RPA3: variants seen among roughly 807,000 people sequenced by gnomAD.
The protein encoded by RPA3 is replication protein A3, also known as replication protein A 14 kDa subunit.
Under a neutral mutation model 13.7 loss-of-function variants are expected in RPA3, and 24 were observed. The ratio of observed to expected loss-of-function variants is 1.75; its 90% CI spans 1.27 to 2.46. RPA3 has a LOEUF of 2.46. Among genes scored for constraint, RPA3 ranks in the 30% most tolerant of loss-of-function variants. The pLI, the probability that RPA3 is intolerant of heterozygous loss-of-function variation, is 0.00. For synonymous variants in RPA3, 59 were observed against 51.2 expected (o/e 1.15, Z -0.65); for missense variants, 183 against 151.0 (o/e 1.21, Z -1.11).
intron 4 of RPA3, among the ~76,000 whole-genome samples, chr7:7,675,378 C>T (rs1339903749): frequency 6.6e-6 from 1 of 152,112 alleles, no homozygotes; most frequent in East Asian, 1.9e-4. Flanking sequence ...TGCAGTGGCT[C>T]CTGGTGCTGC....
At chr7:7,708,798 C>T (rs1320740429) in intron 2 of RPA3, among the ~76,000 whole-genome samples, 5 of 151,876 alleles carry the variant, frequency 3.3e-5, no homozygotes, top group African/African-American at 1.2e-4. Context: ...TTTTTTTGCC[C>T]ATTAATATGT....
At chr7:7,707,430 A>T (rs1021183384) in intron 2 of RPA3, among the ~76,000 whole-genome samples, 7 of 152,202 alleles carry the variant, frequency 4.6e-5, no homozygotes, top group African/African-American at 1.7e-4. Flanking sequence ...CAGCAATGTT[A>T]CCTTGGGTAA....
At chr7:7,687,548 G>A (rs890910958) in intron 2 of RPA3, among the ~76,000 whole-genome samples, 1 of 152,180 alleles carries the variant, frequency 6.6e-6, no homozygotes, top group African/African-American at 2.4e-5. Context: ...GCCGATCTAT[G>A]CTTATATGAT....
At chr7:7,691,799 A>T (rs1207123147) in intron 2 of RPA3, among the ~76,000 whole-genome samples, 1 of 152,222 alleles carries the variant, frequency 6.6e-6, no homozygotes, top group African/African-American at 2.4e-5. Context: ...TGATACATGG[A>T]GTTCTTTCTC....
chr7:7,654,876 C>G (rs1416917989), intron 4 of RPA3, among the ~76,000 whole-genome samples: 1 of 145,288 alleles, frequency 6.9e-6, no homozygotes, highest in Non-Finnish European at 1.5e-5. Context: ...GTAACCCAGC[C>G]TGAGTGACAG....
intron 4 of RPA3, chr7:7,641,782 G>C (rs1784979353): frequency 6.6e-6 from 1 of 152,196 alleles, no homozygotes; most frequent in Non-Finnish European, 1.5e-5. Context: ...TTGGCCCAAA[G>C]CTACAGAATT....
rs12112667 is a variant in RPA3, at chr7:7,685,954, C to G, written c.-882G>C. 140,637 of 152,264 alleles carry G rather than the reference C, an allele frequency of 0.92. 65,080 individuals are homozygous for G. Among genetic ancestry groups the G allele is most frequent in the African/African-American group, 0.98 (40,755 of 41,554 alleles). The allele number at this position is 152,264 out of a possible 1,614,324, so 9.4% of individuals were successfully genotyped here. On this transcript the variant is annotated 5_prime_UTR_variant, in exon 4 of 8. Transcript: ENST00000223129. The stretch of plus-strand genomic sequence containing the variant: ...GCACTTTCTCTATCCCAGGTGCTCT[C>G]CTGCTTGGTTAGGGATGCTCCAGAT...
intron 4 of RPA3, among the ~76,000 whole-genome samples, chr7:7,679,695 A>G (rs1413543535): frequency 4.5e-5 from 6 of 132,224 alleles, no homozygotes; most frequent in African/African-American, 1.8e-4. Flanking sequence ...ATATTTATAT[A>G]TTTAATTTAT....
chr7:7,680,639 A>G (rs1448501926), intron 4 of RPA3, among the ~76,000 whole-genome samples: 3 of 152,048 alleles, frequency 2.0e-5, no homozygotes, highest in Non-Finnish European at 4.4e-5. Flanking sequence ...TAGTATGGAC[A>G]TTTTAACAAT....
At chr7:7,666,004 T>C (rs1288190331) in intron 4 of RPA3, among the ~76,000 whole-genome samples, 1 of 152,170 alleles carries the variant, frequency 6.6e-6, no homozygotes, top group Non-Finnish European at 1.5e-5. Context: ...TGTATACAAG[T>C]GTGGACCTAC....
intron 4 of RPA3, among the ~76,000 whole-genome samples, chr7:7,683,345 A>C (rs1779959013): frequency 6.6e-6 from 1 of 152,176 alleles, no homozygotes; most frequent in African/African-American, 2.4e-5. Flanking sequence ...TTTTCCCCCC[A>C]GAGTTCTCCA....
chr7:7,640,578 G>C lies in RPA3; in HGVS notation c.-160C>G. On this transcript the variant is annotated 5_prime_UTR_variant, in exon 5 of 8. Transcript: ENST00000223129. ...CGGAAACCTAAATCGCAATCGCGCT[G>C]TCTCTGAAAGGGGTGGAGAAGGGGC... is the stretch of plus-strand genomic sequence containing the variant. 1.5e-6 allele frequency: 1 copy of C among 658,204 alleles called. No individual in the cohort carries two copies. The highest frequency in any genetic ancestry group is 1.8e-5 in the South Asian group (1 of 57,074). 40.8% of individuals were successfully genotyped at this position (658,204 alleles called of 1,614,324 possible).
intron 4 of RPA3, among the ~76,000 whole-genome samples, chr7:7,677,380 A>G (rs981928892): frequency 3.3e-5 from 5 of 151,928 alleles, no homozygotes; most frequent in Non-Finnish European, 7.4e-5. Flanking sequence ...CCCATCATCC[A>G]TCCCCATTTT....
In RPA3 at chr7:7,640,374, G is replaced by A. The variant is rs776766477; in HGVS notation, c.45C>T (p.Gly15=). 8.1e-6 allele frequency: 13 copies of A among 1,614,086 alleles called. No individual in the cohort carries two copies. Among genetic ancestry groups the A allele is most frequent in the Admixed American group, 1.7e-5 (1 of 60,022 alleles). The change falls in exon 5 of 8, where the codon GGC becomes GGT. Residue 15 remains glycine (G), a synonymous_variant. Coordinates refer to ENST00000223129, the MANE Select transcript of RPA3 (RefSeq NM_002947.5). ...MDLPRSRINA[G]MLAQFIDKPV... is the part of the protein sequence containing the mutation. The stretch of plus-strand genomic sequence containing the variant: ...GCTTGTCGATGAATTGAGCTAGCAT[G>A]CCGGCGTTGATGCGCGACCTGGGCA...
chr7:7,699,869 A>G (rs928090933), intron 2 of RPA3, among the ~76,000 whole-genome samples: 3 of 152,222 alleles, frequency 2.0e-5, no homozygotes, highest in African/African-American at 7.2e-5. Context: ...GTTATAAGTA[A>G]TACTGTTTAT....
intron 4 of RPA3, among the ~76,000 whole-genome samples, chr7:7,649,946 C>T (rs570651542): frequency 5.3e-5 from 8 of 152,324 alleles, no homozygotes; most frequent in African/African-American, 1.9e-4. Flanking sequence ...ATTCATCAGA[C>T]ACTGAATATA....
intron 2 of RPA3, among the ~76,000 whole-genome samples, chr7:7,714,499 A>G (rs1280643156): frequency 6.6e-6 from 1 of 152,262 alleles, no homozygotes; most frequent in Non-Finnish European, 1.5e-5. Context: ...GAAATAATCT[A>G]TATAGTTTAA....
At chr7:7,645,186 T>C (rs1785065813) in intron 4 of RPA3, among the ~76,000 whole-genome samples, 1 of 152,224 alleles carries the variant, frequency 6.6e-6, no homozygotes, top group African/African-American at 2.4e-5. Flanking sequence ...GTTTTGTTTC[T>C]TAAGAATTCT....
Position 7,657,682 on chromosome 7 carries a change from G to A in RPA3, c.-757-16507C>T, listed in dbSNP as rs370942954. ...TTCCATTGGTGTATATCTCTGTTTTGGTACCCATACCATGCTGTTTTGGTT... is the reference window on the plus strand; with the variant it reads ...TTCCATTGGTGTATATCTCTGTTTTAGTACCCATACCATGCTGTTTTGGTT... On this transcript the variant is annotated intron_variant, in intron 4 of 7. Coordinates refer to ENST00000223129, the MANE Select transcript of RPA3 (RefSeq NM_002947.5). 3.6e-4 allele frequency among the ~76,000 whole-genome samples: 54 copies of A among 151,974 alleles called. 3 individuals carry two copies. The South Asian group carries it at 0.011, about 31-fold the overall frequency.
Sources: gnomAD v4.1 joint callset for allele counts (sites outside exome capture counted in the v4.1 genomes callset) on GRCh38, gnomAD v4.1.1 for gene constraint, MANE v1.5 for transcripts, NCBI Gene and HGNC (gene_info 2026-07-23, HGNC 2026-07-21) for gene names.